The following RABEP1 variants were observed in gnomAD, a reference collection of about 807,000 sequenced individuals.
The protein encoded by RABEP1 is rab GTPase-binding effector protein 1.
In RABEP1, 51 loss-of-function variants were observed where a neutral mutation model predicts 123.4. The ratio of observed to expected loss-of-function variants is 0.41; its 90% confidence interval spans 0.33 to 0.52. The LOEUF is 0.52. RABEP1 is among the 20% of genes least tolerant of loss of function. The pLI, the probability that RABEP1 is intolerant of heterozygous loss-of-function variation, is 0.16. For synonymous variants in RABEP1, 347 were observed against 355.2 expected, an observed-to-expected ratio of 0.98 and a Z score of 0.26; for missense variants, 888 against 996.3, an observed-to-expected ratio of 0.89 and a Z score of 1.46.
At chr17:5,306,323 C>T (rs778934784) in intron 1 of RABEP1, among the ~76,000 whole-genome samples, 4 of 151,984 alleles carry the variant, frequency 2.6e-5, no homozygotes, top group Admixed American at 6.6e-5. Flanking sequence ...AGTTTGTTCA[C>T]GATGCTATAA....
chr17:5,378,854 G>GGCTT (rs1911211852), intron 15 of RABEP1, among the ~76,000 whole-genome samples: 1 of 152,094 alleles, frequency 6.6e-6, no homozygotes, highest in Admixed American at 6.6e-5. Context: ...GCAGCTTCAT[G>GGCTT]GCTTGCTTTC....
Position 5,282,426 on chromosome 17 carries a change from G to A in RABEP1, c.-61G>A. On this transcript the variant is annotated 5_prime_UTR_variant, in exon 1 of 18. Transcript: ENST00000537505. Reference sequence around the variant, plus strand: ...GACGCCTCCTCCGCCAGCTGAGCCCGCGGGAGCCCAGGACGCCGCTTCCCC... The same window carrying A: ...GACGCCTCCTCCGCCAGCTGAGCCCACGGGAGCCCAGGACGCCGCTTCCCC... 1 of 1,269,314 alleles carries A rather than the reference G, an allele frequency of 7.9e-7. No homozygotes were observed. Among genetic ancestry groups the A allele is most frequent in the Non-Finnish European group, 1.0e-6 (1 of 969,416 alleles). 78.6% of individuals were successfully genotyped at this position (1,269,314 alleles called of 1,614,324 possible). A position where few individuals can be genotyped will look rare whatever the true frequency, so the allele number is the denominator to read the frequency against.
chr17:5,380,433 G>C lies in RABEP1; in HGVS notation c.2341G>C (p.Glu781Gln). 6.4e-7 allele frequency: 1 copy of C among 1,563,370 alleles called. No homozygotes were observed. The highest frequency in any genetic ancestry group is 8.7e-7 in the Non-Finnish European group (1 of 1,151,760). Residue 781 changes from glutamate to glutamine, a missense_variant, in exon 16 of 18, where the codon GAG (glutamate) becomes CAG (glutamine). Transcript: ENST00000537505. ...TCAGGAAATAAAGATCAGTTTGGAA[G>C]AGCAGTTAAAGAAAGAGACTGCTGC... ...SLQEIKISLEEQLKKETAAKA... is the reference protein window; with the variant it reads ...SLQEIKISLEQQLKKETAAKA...
At position 5,282,388 on chromosome 17, in the gene RABEP1, C is replaced by T; in HGVS notation, c.-99C>T. On this transcript the variant is annotated 5_prime_UTR_variant, in exon 1 of 18. Transcript: ENST00000537505. ...GCGGTTTCTCTCTGGGCGGCGGCGG[C>T]GGCGGCTCGGTTGACGCCTCCTCCG... The T allele has an allele frequency of 4.1e-6, 4 of 976,522 alleles. No homozygotes were observed. The highest frequency in any genetic ancestry group is 2.8e-5 in the South Asian group (1 of 35,862). 60.5% of individuals were successfully genotyped at this position (976,522 alleles called of 1,614,324 possible).
chr17:5,346,812 T>G lies in RABEP1; in HGVS notation c.671T>G (p.Leu224Arg). 6.3e-7 allele frequency: 1 copy of G among 1,576,694 alleles called. No individual in the cohort carries two copies. Among genetic ancestry groups the G allele is most frequent in the Non-Finnish European group, 8.6e-7 (1 of 1,159,218 alleles). ...CAGGTTAAAGAACTGAATCATTATC[T>G]GGAAGCTGAGAAATCTTGTAGGACT... ...ASKVKELNHYLEAEKSCRTDL... is the reference protein window; with the variant it reads ...ASKVKELNHYREAEKSCRTDL... Residue 224 changes from leucine to arginine, a missense_variant, in exon 6 of 18, where the codon CTG (leucine) becomes CGG (arginine). Physicochemically the swap from Leu to Arg is moderately radical, Grantham distance 102. Transcript: ENST00000537505.
At chr17:5,298,816 C>T (rs1227877118) in intron 1 of RABEP1, among the ~76,000 whole-genome samples, 7 of 152,046 alleles carry the variant, frequency 4.6e-5, no homozygotes, top group African/African-American at 1.7e-4. Context: ...CCACCACGCC[C>T]GGCTAATTTT....
intron 1 of RABEP1, among the ~76,000 whole-genome samples, chr17:5,284,231 C>T (rs1181363047): frequency 6.6e-6 from 1 of 152,152 alleles, no homozygotes; most frequent in Non-Finnish European, 1.5e-5. Flanking sequence ...AGCACTTGAA[C>T]GAGGCTAGGG....
intron 2 of RABEP1, 126 bp downstream of exon 2, chr17:5,308,948 A>C: frequency 1.0e-6 from 1 of 999,820 alleles, no homozygotes; most frequent in Non-Finnish European, 1.4e-6. Context: ...ATAATAAAAG[A>C]ATACTGTTTA....
At chr17:5,328,875 T>C (rs1906232948) in intron 2 of RABEP1, among the ~76,000 whole-genome samples, 1 of 148,018 alleles carries the variant, frequency 6.8e-6, no homozygotes, top group African/African-American at 2.5e-5. Context: ...CACTTGAACC[T>C]GGGCGGCAGA....
At chr17:5,285,605 T>G (rs1044061914) in intron 1 of RABEP1, among the ~76,000 whole-genome samples, 9 of 152,242 alleles carry the variant, frequency 5.9e-5, no homozygotes, top group African/African-American at 2.2e-4. Context: ...ATACTCATGG[T>G]TATATGGCCA....
At chr17:5,336,275 A>C (rs961532359) in intron 4 of RABEP1, among the ~76,000 whole-genome samples, 4 of 152,174 alleles carry the variant, frequency 2.6e-5, no homozygotes, top group African/African-American at 9.7e-5. Context: ...TTTCAATTTT[A>C]GAACTGTTTT....
At chr17:5,349,509 G>A (rs1272051176) in intron 6 of RABEP1, among the ~76,000 whole-genome samples, 1 of 152,138 alleles carries the variant, frequency 6.6e-6, no homozygotes, top group East Asian at 1.9e-4. Context: ...GAGCTGATGA[G>A]TATCAACAAC....
At chr17:5,326,752 CCT>C (rs929276512) in intron 2 of RABEP1, among the ~76,000 whole-genome samples, 5 of 152,034 alleles carry the variant, frequency 3.3e-5, no homozygotes, top group African/African-American at 1.2e-4. Context: ...ATATGGGAAA[CCT>C]CTGTATTTTC....
At chr17:5,374,475 C>G (rs1169545377) in intron 13 of RABEP1, among the ~76,000 whole-genome samples, 1 of 151,768 alleles carries the variant, frequency 6.6e-6, no homozygotes, top group East Asian at 1.9e-4. Context: ...TTCATTCTGT[C>G]CCCTAGGCTG....
rs1909690219 is a variant in RABEP1 at position 5,363,007 on chromosome 17, G to C, written c.1659G>C (p.Thr553=). ...GAATTCAGATTCAGGAGGCTGAAAC[G>C]AGAGACCAGGTGAGTTTCTTCTGGA... The part of the protein sequence containing the change: ...LQGIQIQEAE[T]RDQVKKLQLM... Residue 553 remains threonine, a synonymous_variant, in exon 10 of 18, where the codon ACG becomes ACC. Transcript: ENST00000537505. 2.5e-6 allele frequency: 4 copies of C among 1,610,400 alleles called. No individual in the cohort carries two copies.
intron 13 of RABEP1, among the ~76,000 whole-genome samples, chr17:5,376,910 G>T (rs889156495): frequency 6.6e-6 from 1 of 152,140 alleles, no homozygotes; most frequent in East Asian, 1.9e-4. Context: ...TACAAGATAC[G>T]ACTTGGCCAG....
At chr17:5,350,982 C>G (rs1908493150) in intron 7 of RABEP1, among the ~76,000 whole-genome samples, 2 of 152,040 alleles carry the variant, frequency 1.3e-5, no homozygotes, top group Non-Finnish European at 2.9e-5. Context: ...TGAATGCGGC[C>G]CAACACAAAT....
chr17:5,282,702 C>G (rs544525093), intron 1 of RABEP1, among the ~76,000 whole-genome samples, 182 bp downstream of exon 1: 1 of 146,326 alleles, frequency 6.8e-6, no homozygotes, highest in South Asian at 2.1e-4. Flanking sequence ...CCCCGGCTGC[C>G]GTCGCTGGGG....
intron 2 of RABEP1, among the ~76,000 whole-genome samples, chr17:5,320,178 C>T (rs925260152): frequency 6.6e-5 from 10 of 151,530 alleles, no homozygotes; most frequent in Non-Finnish European, 1.0e-4. Flanking sequence ...AGTTTGTCAA[C>T]AGACTTCTTA....
Sources: allele counts gnomAD v4.1 joint callset (sites outside exome capture counted in the v4.1 genomes callset), GRCh38; gene constraint gnomAD v4.1.1; transcripts MANE v1.5; gene names NCBI Gene and HGNC (gene_info 2026-07-23, HGNC 2026-07-21).